POU6F2: variants seen among roughly 807,000 people sequenced by gnomAD.
POU6F2 encodes the protein POU domain, class 6, transcription factor 2.
Under a neutral mutation model 71.3 loss-of-function variants are expected in POU6F2, and 31 were observed. That is an observed-to-expected ratio of 0.43 (90% confidence interval 0.33 to 0.59). POU6F2 has a LOEUF of 0.59. Among genes scored for constraint, POU6F2 ranks in the 20% least tolerant of loss-of-function variants. The probability of loss-of-function intolerance (pLI) is 0.04; values close to 1 mark genes in which losing one functional copy is unlikely to be tolerated. For synonymous variants in POU6F2, 347 were observed against 355.7 expected (o/e 0.98, Z 0.27); for missense variants, 783 against 856.8 (o/e 0.91, Z 1.07).
chr7:39,227,996 G>A (rs1409328418), intron 4 of POU6F2, among the ~76,000 whole-genome samples: 3 of 152,142 alleles, frequency 2.0e-5, no homozygotes, highest in Non-Finnish European at 2.9e-5. Flanking sequence ...GAGAGAGGAC[G>A]GGGTTGGTGG....
chr7:39,347,664 C>T (rs1490417933), intron 5 of POU6F2, among the ~76,000 whole-genome samples: 1 of 145,442 alleles, frequency 6.9e-6, no homozygotes, highest in East Asian at 1.9e-4. Flanking sequence ...GAAAGAATCT[C>T]ACTGTCACCC....
rs147986122 is a variant in POU6F2 at position 39,067,750 on chromosome 7, C to T, written c.106-18110C>T. ...AAGTTCAATGAGAAAAATACTTAGA[C>T]CCCCAGTGGAAAGACAGGTAAAGGA... On this transcript the variant is annotated intron_variant, in intron 1 of 9. Transcript: ENST00000518318. Among the ~76,000 whole-genome samples the T allele has an allele frequency of 2.0e-3, 305 of 152,048 alleles. 1 individual carries two copies. The highest frequency in any genetic ancestry group is 7.2e-3 in the African/African-American group (299 of 41,508).
chr7:39,233,380 G>A (rs775396528), intron 4 of POU6F2, among the ~76,000 whole-genome samples: 1 of 151,592 alleles, frequency 6.6e-6, no homozygotes, highest in African/African-American at 2.4e-5. Context: ...ATCACTAGCT[G>A]CCTTATTAAT....
At chr7:39,445,118 A>G (rs192576814) in intron 7 of POU6F2, among the ~76,000 whole-genome samples, 16 of 152,330 alleles carry the variant, frequency 1.1e-4, no homozygotes, top group African/African-American at 3.8e-4. Flanking sequence ...ATGCCATGCA[A>G]TTATCAACAT....
chr7:39,302,884 A>C (rs1784976120), intron 4 of POU6F2, among the ~76,000 whole-genome samples: 1 of 152,224 alleles, frequency 6.6e-6, no homozygotes, highest in Non-Finnish European at 1.5e-5. Context: ...AATCCAGTCC[A>C]GTGGTTGTCA....
chr7:39,082,320 T>A (rs1791137825), intron 1 of POU6F2, among the ~76,000 whole-genome samples: 1 of 152,208 alleles, frequency 6.6e-6, no homozygotes, highest in African/African-American at 2.4e-5. Context: ...TGTTCCATGG[T>A]GGACTAGTCA....
At chr7:39,087,327 C>T (rs1480106016) in intron 2 of POU6F2, among the ~76,000 whole-genome samples, 1 of 151,956 alleles carries the variant, frequency 6.6e-6, no homozygotes, top group Non-Finnish European at 1.5e-5. Flanking sequence ...CAGAGAAACT[C>T]TGCTTTTCAG....
At chr7:39,362,281 GA>G (rs56922701) in intron 5 of POU6F2, among the ~76,000 whole-genome samples, 46,076 of 130,810 alleles carry the variant, frequency 0.35, 7,835 homozygotes, top group Non-Finnish European at 0.43. Flanking sequence ...TCAATGGCCA[GA>G]AAAAAAAAAA....
chr7:39,451,821 A>G, intron 8 of POU6F2, 120 bp downstream of exon 8: 1 of 1,280,890 alleles, frequency 7.8e-7, no homozygotes. Flanking sequence ...AACCCTGCAC[A>G]GGAATTTCCT....
At chr7:39,116,958 C>T (rs1525791) in intron 2 of POU6F2, among the ~76,000 whole-genome samples, 20,393 of 152,122 alleles carry the variant, frequency 0.13, 1,412 homozygotes, top group Middle Eastern at 0.15. Flanking sequence ...AGGAGCCTAT[C>T]GTGATTTCTC....
chr7:39,204,734 C>T lies in POU6F2; in HGVS notation c.369+408C>T, dbSNP rs369203089. On this transcript the variant is annotated intron_variant, in intron 3 of 9. Transcript: ENST00000518318. ...GTGATTTAATATAAAAAAGTTAATG[C>T]AATTTTAATGCAAGTTCAGCTTATT... Among the ~76,000 whole-genome samples the T allele has an allele frequency of 9.0e-4, 137 of 152,134 alleles. 2 individuals are homozygous for T. The South Asian group carries it at 0.021, about 24-fold the overall frequency.
chr7:39,251,754 T>C (rs1315771119), intron 4 of POU6F2, among the ~76,000 whole-genome samples: 2 of 152,174 alleles, frequency 1.3e-5, no homozygotes, highest in Admixed American at 1.3e-4. Flanking sequence ...ACCGGGGCCT[T>C]GGACATGCAC....
intron 4 of POU6F2, among the ~76,000 whole-genome samples, chr7:39,275,028 A>G (rs1157580422): frequency 2.0e-5 from 3 of 151,184 alleles, no homozygotes; most frequent in African/African-American, 7.3e-5. Flanking sequence ...CCTATTCAAC[A>G]TAGTGTTGGA....
At chr7:39,218,215 A>G (rs1190785155) in intron 4 of POU6F2, among the ~76,000 whole-genome samples, 1 of 152,180 alleles carries the variant, frequency 6.6e-6, no homozygotes, top group Non-Finnish European at 1.5e-5. Context: ...TAAAAAAGGA[A>G]AAGACTGTGT....
chr7:39,143,609 G>T (rs886377521), intron 2 of POU6F2, among the ~76,000 whole-genome samples: 5 of 152,200 alleles, frequency 3.3e-5, no homozygotes, highest in African/African-American at 7.2e-5. Context: ...GGGAATAAGA[G>T]GCACTTAAGG....
At chr7:39,003,846 T>C (rs1411317932) in intron 1 of POU6F2, among the ~76,000 whole-genome samples, 4 of 152,064 alleles carry the variant, frequency 2.6e-5, no homozygotes, top group African/African-American at 9.7e-5. Flanking sequence ...TATATGCTTA[T>C]GATATAATGT....
chr7:39,133,908 C>T (rs530170936), intron 2 of POU6F2, among the ~76,000 whole-genome samples: 42 of 152,170 alleles, frequency 2.8e-4, no homozygotes, highest in African/African-American at 9.6e-4. Context: ...ACCGTCTCGC[C>T]CCATTGCTCA....
At chr7:39,143,346 G>A (rs1162399045) in intron 2 of POU6F2, among the ~76,000 whole-genome samples, 1 of 152,180 alleles carries the variant, frequency 6.6e-6, no homozygotes, top group Non-Finnish European at 1.5e-5. Flanking sequence ...CACAGGGTTT[G>A]GCCTAATTGA....
At chr7:39,246,720 A>C (rs932568450) in intron 4 of POU6F2, among the ~76,000 whole-genome samples, 1 of 152,092 alleles carries the variant, frequency 6.6e-6, no homozygotes, top group African/African-American at 2.4e-5. Flanking sequence ...AATTGTCAGC[A>C]GTAATAGCAG....
Sources: gnomAD v4.1 joint callset for allele counts (sites outside exome capture counted in the v4.1 genomes callset) on GRCh38, gnomAD v4.1.1 for gene constraint, MANE v1.5 for transcripts, NCBI Gene and HGNC (gene_info 2026-07-23, HGNC 2026-07-21) for gene names.